Variants in CFAP299 observed in about 807,000 individuals in gnomAD.
CFAP299 encodes the protein cilia and flagella associated protein 299, also known as cilia- and flagella-associated protein 299.
In CFAP299, 21 loss-of-function variants were observed where a neutral mutation model predicts 27.0. The ratio of observed to expected loss-of-function variants is 0.78; its 90% CI spans 0.55 to 1.12. The LOEUF is 1.12. CFAP299 is among the 50% of genes most tolerant of loss of function. CFAP299 has a pLI of 0.00. For synonymous variants in CFAP299, 104 were observed against 98.1 expected, an observed-to-expected ratio of 1.06 and a Z score of -0.36; for missense variants, 310 against 276.6, an observed-to-expected ratio of 1.12 and a Z score of -0.86.
At chr4:80,472,183 A>T (rs746190563) in intron 2 of CFAP299, among the ~76,000 whole-genome samples, 4 of 152,094 alleles carry the variant, frequency 2.6e-5, no homozygotes, top group Non-Finnish European at 4.4e-5. Context: ...GACTGAAGAT[A>T]TTTCCCCCCA....
intron 2 of CFAP299, among the ~76,000 whole-genome samples, chr4:80,546,702 C>G (rs1455944282): frequency 6.7e-6 from 1 of 148,938 alleles, no homozygotes; most frequent in Non-Finnish European, 1.5e-5. Flanking sequence ...TTCACTCCTA[C>G]TCTCTCTTGC....
chr4:80,650,880 G>A (rs1326650490), intron 3 of CFAP299, among the ~76,000 whole-genome samples: 1 of 152,054 alleles, frequency 6.6e-6, no homozygotes, highest in Non-Finnish European at 1.5e-5. Flanking sequence ...GGAAGGGGGT[G>A]CGGGATATAA....
At chr4:80,660,155 G>A (rs1407706391) in intron 3 of CFAP299, among the ~76,000 whole-genome samples, 3 of 152,068 alleles carry the variant, frequency 2.0e-5, no homozygotes, top group Non-Finnish European at 4.4e-5. Flanking sequence ...AGAGGAATAT[G>A]GATAGTAGAA....
intron 2 of CFAP299, among the ~76,000 whole-genome samples, chr4:80,546,983 C>G (rs754063845): frequency 2.0e-5 from 3 of 151,980 alleles, no homozygotes; most frequent in Non-Finnish European, 2.9e-5. Flanking sequence ...CAATGCTATT[C>G]CAGTCAAACT....
At chr4:80,530,036 TA>T (rs1317731417) in intron 2 of CFAP299, among the ~76,000 whole-genome samples, 3 of 152,196 alleles carry the variant, frequency 2.0e-5, no homozygotes, top group Admixed American at 2.0e-4. Flanking sequence ...CACATTGAAT[TA>T]TTTTTTTCAG....
At chr4:80,388,939 T>C (rs1010179266) in intron 2 of CFAP299, among the ~76,000 whole-genome samples, 22 of 152,214 alleles carry the variant, frequency 1.4e-4, no homozygotes, top group African/African-American at 5.1e-4. Context: ...TCGTTTTTTA[T>C]TTTAAAGGGA....
chr4:80,843,227 C>G (rs911419938), intron 3 of CFAP299, among the ~76,000 whole-genome samples: 3 of 152,140 alleles, frequency 2.0e-5, no homozygotes, highest in Non-Finnish European at 2.9e-5. Context: ...CTATCCCTCC[C>G]CCAGCCTGCC....
chr4:80,331,662 C>T (rs1338800679), upstream of CFAP299, among the ~76,000 whole-genome samples: 1 of 152,092 alleles, frequency 6.6e-6, no homozygotes, highest in African/African-American at 2.4e-5. Context: ...GGAGAGGAAC[C>T]TGTGTGTTGA....
chr4:80,509,779 A>C (rs1418691698), intron 2 of CFAP299, among the ~76,000 whole-genome samples: 1 of 152,148 alleles, frequency 6.6e-6, no homozygotes, highest in Non-Finnish European at 1.5e-5. Flanking sequence ...GACATGAGTG[A>C]TGAGACATCT....
At chr4:80,701,774 C>A (rs1721498490) in intron 3 of CFAP299, among the ~76,000 whole-genome samples, 2 of 152,026 alleles carry the variant, frequency 1.3e-5, no homozygotes, top group African/African-American at 4.8e-5. Context: ...TTGATTCATA[C>A]CAGGCTTATA....
At position 80,679,598 on chromosome 4, in the gene CFAP299, T is replaced by TA. The variant is rs557325087; in HGVS notation, c.333+96423dup. On this transcript the variant is annotated intron_variant, in intron 3 of 5. Coordinates refer to ENST00000358105, the MANE Select transcript of CFAP299 (RefSeq NM_152770.3). Reference sequence around the variant, plus strand: ...CTAGTATTTAATATTATCACTTTTTTAAAAAAAATGGCTACTAATAGGTGT... The same window carrying TA: ...CTAGTATTTAATATTATCACTTTTTTAAAAAAAAATGGCTACTAATAGGTGT... 5.1e-3 allele frequency among the ~76,000 whole-genome samples: 779 copies of TA among 151,778 alleles called. 4 individuals are homozygous for TA. The highest frequency in any genetic ancestry group is 0.02 in the Middle Eastern group (6 of 294).
At chr4:80,534,332 A>C (rs3102891) in intron 2 of CFAP299, among the ~76,000 whole-genome samples, 4 of 150,534 alleles carry the variant, frequency 2.7e-5, no homozygotes, top group African/African-American at 7.4e-5. Context: ...AAAAAAAAAA[A>C]CAACCAAAAT....
chr4:80,576,197 A>T (rs1445561078), intron 2 of CFAP299, among the ~76,000 whole-genome samples: 1,659 of 32,280 alleles, frequency 0.051, 36 homozygotes, highest in African/African-American at 0.094. Context: ...TAAAAAAAAA[A>T]ATATATATAT....
chr4:80,416,835 A>G (rs1301205811), intron 2 of CFAP299, among the ~76,000 whole-genome samples: 1 of 152,242 alleles, frequency 6.6e-6, no homozygotes, highest in African/African-American at 2.4e-5. Flanking sequence ...CAGCTCACCA[A>G]CAGTAAAGTG....
At chr4:80,626,998 A>G (rs1738941717) in intron 3 of CFAP299, among the ~76,000 whole-genome samples, 1 of 151,148 alleles carries the variant, frequency 6.6e-6, no homozygotes, top group Non-Finnish European at 1.5e-5. Context: ...TCAGGCCAGC[A>G]TTACCTTGAT....
chr4:80,520,937 C>A (rs1732878311), intron 2 of CFAP299, among the ~76,000 whole-genome samples: 1 of 152,082 alleles, frequency 6.6e-6, no homozygotes, highest in Non-Finnish European at 1.5e-5. Context: ...AGGAACATGA[C>A]TCCTATGAAA....
At chr4:80,437,107 A>G (rs1476306061) in intron 2 of CFAP299, among the ~76,000 whole-genome samples, 1 of 152,190 alleles carries the variant, frequency 6.6e-6, no homozygotes, top group Non-Finnish European at 1.5e-5. Context: ...TAATAACCAG[A>G]TAAATGACTA....
intron 3 of CFAP299, chr4:80,608,292 G>T (rs139288130): frequency 7.4e-7 from 1 of 1,343,510 alleles, no homozygotes; most frequent in South Asian, 1.3e-5. Context: ...TTAACATGTG[G>T]AATACACCTC....
At chr4:80,642,354 G>A (rs561537068) in intron 3 of CFAP299, among the ~76,000 whole-genome samples, 1 of 152,268 alleles carries the variant, frequency 6.6e-6, no homozygotes. Flanking sequence ...GGAAAGTCAG[G>A]GAAAATGGTT....
Sources: allele counts gnomAD v4.1 joint callset (sites outside exome capture counted in the v4.1 genomes callset), GRCh38; gene constraint gnomAD v4.1.1; transcripts MANE v1.5; gene names NCBI Gene and HGNC (gene_info 2026-07-23, HGNC 2026-07-21).